Variants in DLGAP2 observed in about 807,000 individuals in gnomAD.
The protein encoded by DLGAP2 is DLG associated protein 2.
In DLGAP2, 26 loss-of-function variants were observed where a neutral mutation model predicts 100.3. That is an observed-to-expected ratio of 0.26 (90% CI 0.19 to 0.36). The LOEUF (loss-of-function observed/expected upper bound fraction) is 0.36. Among genes scored for constraint, DLGAP2 ranks in the 10% least tolerant of loss-of-function variants. DLGAP2 has a pLI of 1.00. For synonymous variants in DLGAP2, 886 were observed against 630.1 expected, an observed-to-expected ratio of 1.41 and a Z score of -6.08; for missense variants, 1,858 against 1,453.2, an observed-to-expected ratio of 1.28 and a Z score of -4.53.
intron 2 of DLGAP2, among the ~76,000 whole-genome samples, chr8:1,054,237 C>T (rs945702761): frequency 6.6e-6 from 1 of 151,930 alleles, no homozygotes; most frequent in Non-Finnish European, 1.5e-5. Flanking sequence ...CATGTATGCA[C>T]ATGTACACAC....
intron 1 of DLGAP2, among the ~76,000 whole-genome samples, chr8:883,550 G>A (rs1380752157): frequency 1.3e-5 from 2 of 151,586 alleles, no homozygotes; most frequent in Non-Finnish European, 2.9e-5. Flanking sequence ...TGTACAGAAT[G>A]TGCAGGTTTG....
intron 3 of DLGAP2, among the ~76,000 whole-genome samples, chr8:1,287,674 AGG>A (rs1799970559): frequency 2.3e-5 from 2 of 86,542 alleles, no homozygotes; most frequent in African/African-American, 9.7e-5. Flanking sequence ...TTCTGTTAGG[AGG>A]GGAACTAGTT....
chr8:1,542,154 A>G (rs979092914), intron 4 of DLGAP2, among the ~76,000 whole-genome samples: 1 of 152,240 alleles, frequency 6.6e-6, no homozygotes, highest in South Asian at 2.1e-4. Context: ...GCAAGTGAAG[A>G]AAAATTTTAA....
intron 1 of DLGAP2, among the ~76,000 whole-genome samples, chr8:881,252 A>C (rs1448792601): frequency 2.0e-5 from 3 of 152,354 alleles, no homozygotes; most frequent in African/African-American, 7.2e-5. Flanking sequence ...AAACTCTCTC[A>C]GAGTAGTCAT....
intron 2 of DLGAP2, among the ~76,000 whole-genome samples, chr8:1,133,946 G>C (rs750085052): frequency 1.3e-5 from 2 of 151,724 alleles, no homozygotes; most frequent in African/African-American, 2.4e-5. Flanking sequence ...TCCTTATCCA[G>C]ATATTAAGCC....
intron 3 of DLGAP2, among the ~76,000 whole-genome samples, chr8:1,433,738 C>CT (rs3052055): frequency 0.018 from 2,202 of 124,154 alleles, 130 homozygotes; most frequent in African/African-American, 0.058. Context: ...GCAAAACTGG[C>CT]TTTTTTTTTT....
At chr8:1,030,076 A>C (rs776023209) in intron 2 of DLGAP2, among the ~76,000 whole-genome samples, 1 of 150,338 alleles carries the variant, frequency 6.7e-6, no homozygotes, top group African/African-American at 2.5e-5. Flanking sequence ...GGATTAGACA[A>C]ATGTTAACTT....
chr8:885,042 G>A (rs947908949), intron 1 of DLGAP2, among the ~76,000 whole-genome samples: 1 of 152,188 alleles, frequency 6.6e-6, no homozygotes, highest in Admixed American at 6.5e-5. Context: ...TAGCCTTGTA[G>A]TATAGTTTGA....
At chr8:1,571,954 G>A (rs1223786158) in intron 6 of DLGAP2, among the ~76,000 whole-genome samples, 1 of 141,026 alleles carries the variant, frequency 7.1e-6, no homozygotes, top group East Asian at 2.3e-4. Flanking sequence ...GAGGAGAGAG[G>A]GTGAACTGTG....
intron 2 of DLGAP2, among the ~76,000 whole-genome samples, chr8:1,020,751 G>T (rs533299434): frequency 6.6e-6 from 1 of 152,290 alleles, no homozygotes; most frequent in South Asian, 2.1e-4. Flanking sequence ...AGGAGAATAC[G>T]CACAGAACCC....
At chr8:1,349,161 C>T (rs1585285799) in intron 3 of DLGAP2, among the ~76,000 whole-genome samples, 1 of 151,090 alleles carries the variant, frequency 6.6e-6, no homozygotes, top group East Asian at 2.0e-4. Flanking sequence ...TTCACCTAAA[C>T]AGACACAGCT....
At chr8:927,033 G>T (rs530124111) in intron 2 of DLGAP2, 2 of 985,302 alleles carry the variant, frequency 2.0e-6, no homozygotes, top group African/African-American at 1.7e-5. Flanking sequence ...GCTCAGAGCC[G>T]GGGACTGGAG....
chr8:871,594 G>T (rs903123315), intron 1 of DLGAP2, among the ~76,000 whole-genome samples: 8 of 152,140 alleles, frequency 5.3e-5, no homozygotes, highest in African/African-American at 1.9e-4. Context: ...AAAACCTTTA[G>T]AGAGCTGACA....
chr8:787,417 C>G (rs938766144), intron 1 of DLGAP2, among the ~76,000 whole-genome samples: 2 of 152,206 alleles, frequency 1.3e-5, no homozygotes, highest in African/African-American at 4.8e-5. Context: ...TAAAAAATAT[C>G]TTCTAACTTC....
At chr8:1,257,307 G>T (rs1478919137) in intron 2 of DLGAP2, among the ~76,000 whole-genome samples, 1 of 152,086 alleles carries the variant, frequency 6.6e-6, no homozygotes, top group Non-Finnish European at 1.5e-5. Flanking sequence ...AACCATGAGA[G>T]CCTGTGAGGC....
At chr8:1,160,823 C>T (rs533861586) in intron 2 of DLGAP2, among the ~76,000 whole-genome samples, 1 of 152,330 alleles carries the variant, frequency 6.6e-6, no homozygotes, top group East Asian at 1.9e-4. Context: ...ACCTCGAAGA[C>T]CAGCACGCGA....
intron 1 of DLGAP2, among the ~76,000 whole-genome samples, chr8:897,189 C>T (rs1249138301): frequency 3.3e-5 from 5 of 152,152 alleles, no homozygotes; most frequent in Non-Finnish European, 7.4e-5. Flanking sequence ...AAAACATGAT[C>T]GTGGCCTCGC....
chr8:1,124,648 C>T lies in DLGAP2; in HGVS notation c.74-134203C>T, dbSNP rs372804530. 2.1e-3 allele frequency among the ~76,000 whole-genome samples: 315 copies of T among 152,340 alleles called. 1 individual carries two copies. Among genetic ancestry groups the T allele is most frequent in the African/African-American group, 6.4e-3 (264 of 41,568 alleles). On this transcript the variant is annotated intron_variant, in intron 2 of 14. Transcript: ENST00000637795. ...AGCCAAGCAGCTGAAAACAGGAAAC[C>T]TGCATTTTAGCTAATCTGTGTTTTT... is the stretch of plus-strand genomic sequence containing the variant.
At chr8:1,334,104 G>A (rs1801218608) in intron 3 of DLGAP2, among the ~76,000 whole-genome samples, 1 of 152,252 alleles carries the variant, frequency 6.6e-6, no homozygotes, top group African/African-American at 2.4e-5. Context: ...TGCCTGGACT[G>A]GAAAGAGTGA....
Sources: allele counts gnomAD v4.1 joint callset (sites outside exome capture counted in the v4.1 genomes callset), GRCh38; gene constraint gnomAD v4.1.1; transcripts MANE v1.5; gene names NCBI Gene and HGNC (gene_info 2026-07-23, HGNC 2026-07-21).